NUMBL: variants seen among roughly 807,000 people sequenced by gnomAD.
The protein encoded by NUMBL is numb-like protein.
In NUMBL, 20 loss-of-function variants were observed where a neutral mutation model predicts 48.9. That is an observed-to-expected ratio of 0.41 (90% CI 0.29 to 0.59). NUMBL has a LOEUF of 0.59. Among genes scored for constraint, NUMBL ranks in the 20% least tolerant of loss-of-function variants. NUMBL has a pLI of 0.31. For missense variants in NUMBL, 660 were observed against 846.2 expected (o/e 0.78, Z 2.73); for synonymous variants, 340 against 348.7 (o/e 0.98, Z 0.28).
chr19:40,683,818 C>T (rs1298639780), intron 3 of NUMBL, among the ~76,000 whole-genome samples: 3 of 152,334 alleles, frequency 2.0e-5, no homozygotes, highest in Middle Eastern at 3.4e-3. Context: ...ACTCTGTTGC[C>T]TAGGCTGGAG....
rs2081909345 is a variant in NUMBL at position 40,682,373 on chromosome 19, C to T, written c.399+355G>A. 6.6e-6 allele frequency among the ~76,000 whole-genome samples: 1 copy of T among 152,152 alleles called. No homozygotes were observed. The highest frequency in any genetic ancestry group is 2.4e-5 in the African/African-American group (1 of 41,428). ...CTCCTGACCTCAGGTAATCTACCCT[C>T]CTTGGCCTCCCAAAGTACTGGGATT... On this transcript the variant is annotated intron_variant, in intron 5 of 9. Coordinates refer to ENST00000252891, the MANE Select transcript of NUMBL (RefSeq NM_004756.5). The surrounding 1 kb of genome is among the most constrained non-coding windows in gnomAD (Gnocchi z 4.0).
intron 8 of NUMBL, among the ~76,000 whole-genome samples, chr19:40,672,489 G>A (rs1446488712): frequency 2.0e-5 from 3 of 152,192 alleles, no homozygotes; most frequent in African/African-American, 7.2e-5. Context: ...GCTCAACTCT[G>A]TGCCTACAAC....
intron 8 of NUMBL, among the ~76,000 whole-genome samples, chr19:40,672,398 CCTCT>C (rs200955327): frequency 0.011 from 1,732 of 152,344 alleles, 22 homozygotes; most frequent in Non-Finnish European, 0.02. Context: ...CTTTATATCT[CCTCT>C]CTCTTACCAC....
At chr19:40,679,322 G>A (rs549538806) in intron 6 of NUMBL, among the ~76,000 whole-genome samples, 1 of 152,248 alleles carries the variant, frequency 6.6e-6, no homozygotes, top group East Asian at 1.9e-4. Context: ...GCAGTGAGGC[G>A]AGATTGCACC....
rs1342311847 is a variant in NUMBL, at chr19:40,686,944, G to T, written c.76C>A (p.Pro26Thr). 1.0e-5 allele frequency: 16 copies of T among 1,545,270 alleles called. No individual in the cohort carries two copies. The highest frequency in any genetic ancestry group is 1.4e-5 in the Non-Finnish European group (16 of 1,144,266). Residue 26 changes from proline to threonine, a missense_variant, in exon 2 of 10, where the codon CCG (proline) becomes ACG (threonine). Transcript: ENST00000252891. Reference sequence around the variant, plus strand: ...GTCCTGCAGGTTTCTGGGGGCCCCGGGGCCCCACAGGGGGCTGGGGGCAGG... The same window carrying T: ...GTCCTGCAGGTTTCTGGGGGCCCCGTGGCCCCACAGGGGGCTGGGGGCAGG... The part of the protein sequence containing the change: ...RHLPPAPCGA[P>T]GPPETCRTEP...
In NUMBL at chr19:40,673,139, C is replaced by T. The variant is rs773422842; in HGVS notation, c.1036+205G>A. ...TACTATCCCTTACTCAGAGCAGACACGGCTTATCAATCCTGATTTGTGCTA... is the reference window on the plus strand; with the variant it reads ...TACTATCCCTTACTCAGAGCAGACATGGCTTATCAATCCTGATTTGTGCTA... On this transcript the variant is annotated intron_variant, in intron 8 of 9. Transcript: ENST00000252891. The surrounding 1 kb of genome is among the most constrained non-coding windows in gnomAD (Gnocchi z 5.9). Among the ~76,000 whole-genome samples, 17 of 152,342 alleles carry T rather than the reference C, an allele frequency of 1.1e-4. No individual in the cohort carries two copies. The highest frequency in any genetic ancestry group is 3.3e-4 in the Admixed American group (5 of 15,296).
intron 6 of NUMBL, among the ~76,000 whole-genome samples, chr19:40,677,743 G>C (rs2081884928): frequency 6.6e-6 from 1 of 152,192 alleles, no homozygotes; most frequent in African/African-American, 2.4e-5. Context: ...AGCACTTTGG[G>C]AGGCTGAGGC....
chr19:40,681,619 G>A (rs1272142108), intron 5 of NUMBL, among the ~76,000 whole-genome samples: 1 of 152,054 alleles, frequency 6.6e-6, no homozygotes, highest in Non-Finnish European at 1.5e-5. Context: ...AACACTTAAT[G>A]GCTAACATTC....
Position 40,666,148 on chromosome 19 carries a change from T to C in NUMBL, c.*1320A>G, listed in dbSNP as rs780469389. On this transcript the variant is annotated 3_prime_UTR_variant, in exon 10 of 10. Transcript: ENST00000252891. ...GAGCTAATTAGAAGTAGTTTTTTTT[T>C]TTTTGTTTTTTTTTTTTGAGACAGA... 1 of 77,816 alleles carries C rather than the reference T, an allele frequency of 1.3e-5. No homozygotes were observed. The highest frequency in any genetic ancestry group is 7.9e-5 in the African/African-American group (1 of 12,584). The allele number at this position is 77,816 out of a possible 1,614,324, so 4.8% of individuals were successfully genotyped here.
chr19:40,673,354 C>T lies in NUMBL; in HGVS notation c.1026G>A (p.Val342=), dbSNP rs1387987369. The change falls in exon 8 of 10, where the codon GTG becomes GTA. Residue 342 remains valine (V), a synonymous_variant. Coordinates refer to ENST00000252891, the MANE Select transcript of NUMBL (RefSeq NM_004756.5). The surrounding 1 kb of genome is among the most constrained non-coding windows in gnomAD (Gnocchi z 5.9). ...GGGCCCAGGGCTCACCTGTGCCCTT[C>T]ACCTGGAAGTCAGTGCGGCGCTGCA... The part of the protein sequence containing the change: ...STLQRRTDFQ[V]KGTVPEMEPP... 6.2e-7 allele frequency: 1 copy of T among 1,611,082 alleles called. No individual in the cohort carries two copies. Among genetic ancestry groups the T allele is most frequent in the South Asian group, 1.1e-5 (1 of 90,878 alleles).
chr19:40,667,966 C>T lies in NUMBL; in HGVS notation c.1332G>A (p.Gln444=), dbSNP rs62637692. 109 of 1,476,094 alleles carry T rather than the reference C, an allele frequency of 7.4e-5. 1 individual carries two copies. The African/African-American group carries it at 1.1e-3, about 15-fold the overall frequency. 91.4% of individuals were successfully genotyped at this position (1,476,094 alleles called of 1,614,324 possible). ...CTGGGGCCACTGAGGCTGCTTGCTG[C>T]TGTTGCTGCTGCTGCTGCTGCTGCT... The part of the protein sequence containing the change: ...QQQQQQQQQQ[Q]QQAASVAPVP... The change falls in exon 10 of 10, where the codon CAG becomes CAA. Residue 444 remains glutamine (Q), a synonymous_variant. Transcript: ENST00000252891. This position sits in a 1 kb window ranked among gnomAD's most constrained non-coding sequence, Gnocchi z 6.1.
At position 40,681,057 on chromosome 19, in the gene NUMBL, C is replaced by T; in HGVS notation, c.400G>A (p.Asp134Asn). The T allele has an allele frequency of 1.2e-6, 2 of 1,613,986 alleles. No individual in the cohort carries two copies. Among genetic ancestry groups the T allele is most frequent in the African/African-American group, 1.3e-5 (1 of 75,030 alleles). The change falls in exon 6 of 10, where the codon GAT becomes AAT. Residue 134 changes from aspartate (D) to asparagine (N), a missense_variant and splice_region_variant. Asp to Asn is a conservative substitution (Grantham distance 23, BLOSUM62 1). Transcript: ENST00000252891. ...GLRVVDDKTK[D>N]LLVDQTIEKV... is the part of the protein sequence containing the mutation. ...TCGATGGTCTGGTCGACCAGAAGATCCTAGGAGGGGCCGGGGAGGCCAGGA... is the reference window on the plus strand; with the variant it reads ...TCGATGGTCTGGTCGACCAGAAGATTCTAGGAGGGGCCGGGGAGGCCAGGA...
chr19:40,687,720 C>T lies in NUMBL; in HGVS notation c.25-725G>A, dbSNP rs1361194864. 6.6e-6 allele frequency among the ~76,000 whole-genome samples: 1 copy of T among 152,222 alleles called. No homozygotes were observed. The highest frequency in any genetic ancestry group is 6.5e-5 in the Admixed American group (1 of 15,280). ...TCACAGGCCCACCCAGATAGAATCA[C>T]ACCCAGAGTTCACCCATTTGCTGAC... On this transcript the variant is annotated intron_variant, in intron 1 of 9. Transcript: ENST00000252891. This position sits in a 1 kb window ranked among gnomAD's most constrained non-coding sequence, Gnocchi z 4.6.
intron 5 of NUMBL, among the ~76,000 whole-genome samples, 170 bp from the exon 6 acceptor site, chr19:40,681,227 C>T (rs956774559): frequency 6.6e-6 from 1 of 152,136 alleles, no homozygotes; most frequent in African/African-American, 2.4e-5. Context: ...GCGGGAAGAT[C>T]AGACCCATCA....
At position 40,680,821 on chromosome 19, in the gene NUMBL, G is replaced by C. The variant is rs148787615; in HGVS notation, c.540+96C>G. 2.7e-3 allele frequency: 3,559 copies of C among 1,338,368 alleles called. 83 individuals carry two copies. In the African/African-American group the frequency reaches 0.044, roughly 17 times the overall value. 82.9% of individuals were successfully genotyped at this position (1,338,368 alleles called of 1,614,324 possible). ...CAGATGAGGAAACTGGGCACACAGA[G>C]GTTAGTGATGTGCCTGAATGCAGGA... On this transcript the variant is annotated intron_variant, in intron 6 of 9. Coordinates refer to ENST00000252891, the MANE Select transcript of NUMBL (RefSeq NM_004756.5).
chr19:40,685,143 A>C (rs2081927755), intron 2 of NUMBL: 1 of 155,562 alleles, frequency 6.4e-6, no homozygotes, highest in African/African-American at 2.4e-5. Context: ...AACTGTGTCT[A>C]GTCCCCAGGC....
intron 9 of NUMBL, 97 bp from the exon 10 acceptor site, chr19:40,668,235 AC>A: frequency 1.4e-6 from 2 of 1,456,558 alleles, no homozygotes; most frequent in Non-Finnish European, 1.8e-6. Context: ...CAGAGCACGG[AC>A]TCTGGAGCCA....
rs151247840 is a variant in NUMBL at position 40,686,634 on chromosome 19, A to C, written c.109+277T>G. Among the ~76,000 whole-genome samples the C allele has an allele frequency of 1.4e-3, 218 of 152,088 alleles. 1 individual carries two copies. Among genetic ancestry groups the C allele is most frequent in the Non-Finnish European group, 2.8e-3 (188 of 67,992 alleles). On this transcript the variant is annotated intron_variant, in intron 2 of 9. Coordinates refer to ENST00000252891, the MANE Select transcript of NUMBL (RefSeq NM_004756.5). ...GTTCAAGTGTGTCACTGCATTAGCAAGTGTGTGTGATCTGAAAGAGATCTG... is the reference window on the plus strand; with the variant it reads ...GTTCAAGTGTGTCACTGCATTAGCACGTGTGTGTGATCTGAAAGAGATCTG...
chr19:40,681,680 T>G (rs947783075), intron 5 of NUMBL, among the ~76,000 whole-genome samples: 1 of 152,036 alleles, frequency 6.6e-6, no homozygotes, highest in Non-Finnish European at 1.5e-5. Flanking sequence ...TATATATATA[T>G]ATTTTTTTCC....
Sources: allele counts gnomAD v4.1 joint callset (sites outside exome capture counted in the v4.1 genomes callset), GRCh38; gene constraint gnomAD v4.1.1; non-coding constraint Gnocchi (gnomAD v3.1); transcripts MANE v1.5; gene names NCBI Gene and HGNC (gene_info 2026-07-23, HGNC 2026-07-21).